The following GRIP1 variants were observed in gnomAD, a reference collection of about 807,000 sequenced individuals.
GRIP1 encodes the protein glutamate receptor interacting protein 1.
Under a neutral mutation model 129.9 loss-of-function variants are expected in GRIP1, and 45 were observed. The observed-to-expected ratio is 0.35, with a 90% CI of 0.27 to 0.44. GRIP1 has a LOEUF of 0.44. Among genes scored for constraint, GRIP1 ranks in the 20% least tolerant of loss-of-function variants. The pLI, the probability that GRIP1 is intolerant of heterozygous loss-of-function variation, is 1.00. For missense variants in GRIP1, 1,196 were observed against 1,396.8 expected (o/e 0.86, Z 2.29); for synonymous variants, 530 against 520.8 (o/e 1.02, Z -0.24).
chr12:66,530,366 A>G (rs1487471913), intron 4 of GRIP1, among the ~76,000 whole-genome samples: 6 of 152,212 alleles, frequency 3.9e-5, no homozygotes, highest in African/African-American at 1.4e-4. Context: ...TCAGATTGCT[A>G]TCAACAATTA....
rs540917426 is a variant in GRIP1, at chr12:66,896,126, G to C, written c.58+172924C>G. ...TGTATTTAAAGTATAGCTAGAACTG[G>C]AGCAGGATGAAGCTGCAAGAGACTG... On this transcript the variant is annotated intron_variant, in intron 1 of 1. Transcript: ENST00000643019. Among the ~76,000 whole-genome samples the C allele has an allele frequency of 8.5e-5, 13 of 152,264 alleles. No individual in the cohort carries two copies. In the South Asian group the frequency reaches 2.7e-3, roughly 32 times the overall value.
intron 23 of GRIP1, among the ~76,000 whole-genome samples, chr12:66,370,671 C>T (rs983483311): frequency 2.6e-5 from 4 of 152,286 alleles, no homozygotes; most frequent in Middle Eastern, 3.4e-3. Flanking sequence ...CCATTTTATA[C>T]ATCCTTTTAT....
At chr12:66,486,455 T>C (rs997879969) in intron 7 of GRIP1, among the ~76,000 whole-genome samples, 2 of 152,156 alleles carry the variant, frequency 1.3e-5, no homozygotes, top group Non-Finnish European at 2.9e-5. Context: ...AATTCCCACA[T>C]GTTGTGGGAG....
intron 1 of GRIP1, among the ~76,000 whole-genome samples, chr12:66,694,532 ATGT>A (rs1471072726): frequency 6.6e-6 from 1 of 152,184 alleles, no homozygotes; most frequent in African/African-American, 2.4e-5. Context: ...GTATTATTAT[ATGT>A]TGTTATCATC....
At chr12:67,023,456 T>C (rs1251684674) in intron 1 of GRIP1, among the ~76,000 whole-genome samples, 2 of 152,244 alleles carry the variant, frequency 1.3e-5, no homozygotes, top group Non-Finnish European at 2.9e-5. Flanking sequence ...TGGGTTTATT[T>C]CTGGATTCTC....
chr12:66,992,207 C>A (rs1208015370), intron 1 of GRIP1, among the ~76,000 whole-genome samples: 1 of 152,114 alleles, frequency 6.6e-6, no homozygotes, highest in Admixed American at 6.6e-5. Context: ...TCCTCTAAAA[C>A]TGTGAATTTA....
chr12:66,632,076 TG>T (rs1310554806), intron 1 of GRIP1, among the ~76,000 whole-genome samples: 13 of 152,140 alleles, frequency 8.5e-5, no homozygotes, highest in African/African-American at 3.1e-4. Context: ...TTCTCATCTT[TG>T]GGCCTCTCCC....
chr12:66,961,535 GGTTTAACCT>G (rs2041921307), intron 1 of GRIP1, among the ~76,000 whole-genome samples: 1 of 152,092 alleles, frequency 6.6e-6, no homozygotes, highest in Non-Finnish European at 1.5e-5. Flanking sequence ...TACAAAAACC[GGTTTAACCT>G]GTATCTGTTG....
chr12:66,571,482 GTTTT>G (rs199664891), intron 2 of GRIP1, among the ~76,000 whole-genome samples: 1 of 149,354 alleles, frequency 6.7e-6, no homozygotes, highest in African/African-American at 2.5e-5. Flanking sequence ...TACTGCCTTT[GTTTT>G]TTTTTCATTG....
chr12:66,651,432 G>A (rs957284453), intron 1 of GRIP1, among the ~76,000 whole-genome samples: 2 of 152,192 alleles, frequency 1.3e-5, no homozygotes, highest in Non-Finnish European at 2.9e-5. Flanking sequence ...TCTAGGGACT[G>A]CTTTTCTCCC....
chr12:66,391,775 CAGG>C (rs2056597685), intron 19 of GRIP1, among the ~76,000 whole-genome samples: 1 of 151,940 alleles, frequency 6.6e-6, no homozygotes, highest in African/African-American at 2.4e-5. Context: ...CCCTTGAGTC[CAGG>C]AGTTTGAGAC....
intron 9 of GRIP1, among the ~76,000 whole-genome samples, chr12:66,461,272 G>T (rs2059128002): frequency 6.6e-6 from 1 of 152,128 alleles, no homozygotes; most frequent in Non-Finnish European, 1.5e-5. Context: ...ATTTTAAAAG[G>T]GTCTGGTATG....
At chr12:66,978,721 A>T (rs1232947257) in intron 1 of GRIP1, among the ~76,000 whole-genome samples, 1 of 152,240 alleles carries the variant, frequency 6.6e-6, no homozygotes, top group Non-Finnish European at 1.5e-5. Context: ...AAAAGTAGAT[A>T]AAAATAACTA....
rs530995206 is a variant in GRIP1 at position 66,725,944 on chromosome 12, TTAAG to T, written c.-420+78105_-420+78108del. 1.2e-3 allele frequency among the ~76,000 whole-genome samples: 176 copies of T among 152,264 alleles called. 1 individual carries two copies. Among genetic ancestry groups the T allele is most frequent in the African/African-American group, 4.1e-3 (169 of 41,546 alleles). ...TAAAAGGAAAACATGCTCAGAGACA[TTAAG>T]TGATTTCCCAAGATCACAAAGTGAA... is the stretch of plus-strand genomic sequence containing the variant. On this transcript the variant is annotated intron_variant, in intron 1 of 4. Transcript: ENST00000538373.
intron 7 of GRIP1, among the ~76,000 whole-genome samples, chr12:66,506,877 C>CT (rs71069008): frequency 0.46 from 68,652 of 150,612 alleles, 15,752 homozygotes; most frequent in African/African-American, 0.53. Flanking sequence ...AAAAATAAAC[C>CT]TTTTTTTTTC....
chr12:66,473,688 G>C (rs2059513943), intron 7 of GRIP1, among the ~76,000 whole-genome samples: 1 of 152,232 alleles, frequency 6.6e-6, no homozygotes, highest in South Asian at 2.1e-4. Context: ...TCCAGGCAAA[G>C]AGGGTCTGCA....
At chr12:66,654,269 CT>C (rs2032998200) in intron 1 of GRIP1, among the ~76,000 whole-genome samples, 1 of 151,996 alleles carries the variant, frequency 6.6e-6, no homozygotes, top group Non-Finnish European at 1.5e-5. Flanking sequence ...CACACTAAAA[CT>C]ATTCAAGATG....
chr12:66,770,747 C>T (rs1178728304), intron 1 of GRIP1, among the ~76,000 whole-genome samples: 1 of 152,182 alleles, frequency 6.6e-6, no homozygotes, highest in Non-Finnish European at 1.5e-5. Context: ...GGCATACTCC[C>T]TATTTCATGG....
chr12:66,588,993 TAAA>T (rs1346701515), intron 2 of GRIP1, among the ~76,000 whole-genome samples: 11 of 133,788 alleles, frequency 8.2e-5, no homozygotes, highest in Non-Finnish European at 1.3e-4. Context: ...AAAAATTAAA[TAAA>T]TAAATAAATA....
Sources: gnomAD v4.1 joint callset for allele counts (sites outside exome capture counted in the v4.1 genomes callset) on GRCh38, gnomAD v4.1.1 for gene constraint, MANE v1.5 for transcripts, NCBI Gene and HGNC (gene_info 2026-07-23, HGNC 2026-07-21) for gene names.